Variants in NR1D2 observed in about 807,000 individuals in gnomAD.
The protein encoded by NR1D2 is V-erbA-related protein 1-related.
A neutral mutation model predicts 52.2 loss-of-function variants in NR1D2; 25 were observed. The observed-to-expected ratio is 0.48, with a 90% CI of 0.35 to 0.67. The LOEUF (loss-of-function observed/expected upper bound fraction) is 0.67, where lower values mean the gene tolerates loss of function less well. Among genes scored for constraint, NR1D2 ranks in the 30% least tolerant of loss-of-function variants. The pLI is 0.01. For missense variants in NR1D2, 681 were observed against 707.2 expected (o/e 0.96, Z 0.42); for synonymous variants, 259 against 230.1 (o/e 1.13, Z -1.14).
chr3:23,958,855 A>G (rs1706156667), intron 3 of NR1D2, among the ~76,000 whole-genome samples: 1 of 152,196 alleles, frequency 6.6e-6, no homozygotes, highest in African/African-American at 2.4e-5. Flanking sequence ...AGGCTGAGGC[A>G]GGAGAATCCC....
intron 7 of NR1D2, among the ~76,000 whole-genome samples, chr3:23,970,547 A>G (rs1706559435): frequency 1.3e-5 from 2 of 152,208 alleles, no homozygotes; most frequent in Non-Finnish European, 2.9e-5. Context: ...TTACCTATCC[A>G]TCTATCCATT....
intron 7 of NR1D2, among the ~76,000 whole-genome samples, chr3:23,974,268 T>C (rs1706667166): frequency 6.6e-6 from 1 of 152,058 alleles, no homozygotes; most frequent in South Asian, 2.1e-4. Context: ...TAGTAAATAC[T>C]TAAATCAGTA....
chr3:23,958,027 T>C (rs571506510), intron 3 of NR1D2, among the ~76,000 whole-genome samples: 1 of 152,384 alleles, frequency 6.6e-6, no homozygotes, highest in Non-Finnish European at 1.5e-5. Flanking sequence ...TTGAGTTTTC[T>C]GTCCTCCCTG....
intron 1 of NR1D2, 71 bp downstream of exon 1, chr3:23,945,665 G>T (rs989733114): frequency 1.9e-6 from 2 of 1,042,580 alleles, no homozygotes; most frequent in African/African-American, 1.7e-5. Context: ...CACTTTGGGG[G>T]GCGGCGGCAG....
intron 1 of NR1D2, chr3:23,946,059 C>G: frequency 2.1e-6 from 2 of 973,998 alleles, no homozygotes; most frequent in South Asian, 9.5e-5. Context: ...GCTGGGAGCG[C>G]CGCAGCCTCC....
intron 3 of NR1D2, among the ~76,000 whole-genome samples, chr3:23,958,937 A>G (rs1256955311): frequency 6.6e-6 from 1 of 152,198 alleles, no homozygotes; most frequent in Non-Finnish European, 1.5e-5. Context: ...CTACAGAGCA[A>G]GAGTCTGTCT....
chr3:23,956,267 T>C, intron 3 of NR1D2, 142 bp downstream of exon 3: 1 of 593,578 alleles, frequency 1.7e-6, no homozygotes, highest in South Asian at 2.4e-5. Flanking sequence ...TTTTATGTAG[T>C]GTATAAGCAT....
rs769593623 is a variant in NR1D2, at chr3:23,954,657, G to T, written c.137G>T (p.Ser46Ile). The T allele has an allele frequency of 6.2e-7, 1 of 1,614,056 alleles. No individual in the cohort carries two copies. The highest frequency in any genetic ancestry group is 8.5e-7 in the Non-Finnish European group (1 of 1,180,000). ...SSSSVPSSPN[S>I]SNSDTNGNPK... Reference sequence around the variant, plus strand: ...TCTTCTGTTCCATCTTCTCCAAATAGCTCTAATTCTGATACCAATGGTAAT... The same window carrying T: ...TCTTCTGTTCCATCTTCTCCAAATATCTCTAATTCTGATACCAATGGTAAT... Residue 46 changes from serine (S) to isoleucine (I), a missense_variant, in exon 2 of 8, where the codon AGC (serine) becomes ATC (isoleucine). Coordinates refer to ENST00000312521, the MANE Select transcript of NR1D2 (RefSeq NM_005126.5).
rs1706748713 is a variant in NR1D2, at chr3:23,977,089, CT to C, written c.1544-130del. ...ACTGAGATTTTGAGAAATTTGTCAACTTTTGCCTTTATTCAGATGTATAAAA... is the reference window on the plus strand; with the variant it reads ...ACTGAGATTTTGAGAAATTTGTCAACTTTGCCTTTATTCAGATGTATAAAA... On this transcript the variant is annotated intron_variant, in intron 7 of 7. Coordinates refer to ENST00000312521, the MANE Select transcript of NR1D2 (RefSeq NM_005126.5). The C allele has an allele frequency of 1.1e-5, 5 of 451,200 alleles. No individual in the cohort carries two copies. In the East Asian group the frequency reaches 1.4e-4, roughly 13 times the overall value. 27.9% of individuals were successfully genotyped at this position (451,200 alleles called of 1,614,324 possible).
intron 6 of NR1D2, among the ~76,000 whole-genome samples, chr3:23,967,507 T>C (rs1706476900): frequency 6.6e-6 from 1 of 151,914 alleles, no homozygotes; most frequent in Non-Finnish European, 1.5e-5. Context: ...TCCCAGCTAC[T>C]TGGGAGGCCG....
At chr3:23,946,846 C>T (rs1423277457) in intron 1 of NR1D2, among the ~76,000 whole-genome samples, 1 of 152,146 alleles carries the variant, frequency 6.6e-6, no homozygotes, top group East Asian at 1.9e-4. Flanking sequence ...TTGTCTGCCC[C>T]AAATGATGAG....
chr3:23,975,167 C>G (rs949426812), intron 7 of NR1D2, among the ~76,000 whole-genome samples: 11 of 152,088 alleles, frequency 7.2e-5, no homozygotes, highest in Admixed American at 5.9e-4. Context: ...GTCACCCAGA[C>G]TGGAGTGCAG....
chr3:23,965,987 G>A (rs1050093386), intron 6 of NR1D2, among the ~76,000 whole-genome samples: 6 of 152,154 alleles, frequency 3.9e-5, no homozygotes, highest in African/African-American at 7.2e-5. Flanking sequence ...TTTCTGTCCC[G>A]CTTCTCTTGC....
In NR1D2 at chr3:23,977,445, T is replaced by C; in HGVS notation, c.*26T>C. ...GGCCTTTGTTTATTTAAACATGAACTGATGGTAACTGTACATTTTGTGCTA... is the reference window on the plus strand; with the variant it reads ...GGCCTTTGTTTATTTAAACATGAACCGATGGTAACTGTACATTTTGTGCTA... On this transcript the variant is annotated 3_prime_UTR_variant, in exon 8 of 8. Transcript: ENST00000312521. The C allele has an allele frequency of 6.9e-7, 1 of 1,449,624 alleles. No individual in the cohort carries two copies. The highest frequency in any genetic ancestry group is 9.4e-7 in the Non-Finnish European group (1 of 1,066,120). The allele number at this position is 1,449,624 out of a possible 1,614,324, so 89.8% of individuals were successfully genotyped here. A position where few individuals can be genotyped will look rare whatever the true frequency, so the allele number is the denominator to read the frequency against.
In NR1D2 at chr3:23,974,542, AC is replaced by A. The variant is rs1287643582; in HGVS notation, c.1544-2679del. 2.6e-5 allele frequency among the ~76,000 whole-genome samples: 4 copies of A among 152,098 alleles called. No homozygotes were observed. The East Asian group carries it at 5.8e-4, about 22-fold the overall frequency. Reference sequence around the variant, plus strand: ...CCTTAAAGGCATTCTTGTTTTGTTCACCGCTGATTTCCAAGCACCTTAGAAC... The same window carrying A: ...CCTTAAAGGCATTCTTGTTTTGTTCACGCTGATTTCCAAGCACCTTAGAAC... On this transcript the variant is annotated intron_variant, in intron 7 of 7. Coordinates refer to ENST00000312521, the MANE Select transcript of NR1D2 (RefSeq NM_005126.5).
At chr3:23,950,883 T>A (rs189350313) in intron 1 of NR1D2, among the ~76,000 whole-genome samples, 188 of 149,168 alleles carry the variant, frequency 1.3e-3, no homozygotes, top group Middle Eastern at 3.4e-3. Context: ...CTAATTTCTT[T>A]TCTTTTCTCT....
At chr3:23,955,991 T>A (rs763906670) in intron 2 of NR1D2, 46 bp from the exon 3 acceptor site, 1 of 1,333,164 alleles carries the variant, frequency 7.5e-7, no homozygotes, top group South Asian at 1.2e-5. Flanking sequence ...GAAAACAGAC[T>A]CGGTGTTTCC....
Position 23,962,469 on chromosome 3 carries a change from G to A in NR1D2, c.1010G>A (p.Cys337Tyr). 1.2e-6 allele frequency: 2 copies of A among 1,614,204 alleles called. No homozygotes were observed. Among genetic ancestry groups the A allele is most frequent in the South Asian group, 1.1e-5 (1 of 91,076 alleles). ...CATTACCCAAATGGTCATGCCATTT[G>A]TATTGCAAATGGACATTGTATGAAC... ...IMHYPNGHAI[C>Y]IANGHCMNFS... Residue 337 changes from cysteine to tyrosine, a missense_variant, in exon 5 of 8, where the codon TGT (cysteine) becomes TAT (tyrosine). Coordinates refer to ENST00000312521, the MANE Select transcript of NR1D2 (RefSeq NM_005126.5).
rs528999975 is a variant in NR1D2 at position 23,967,517 on chromosome 3, G to T, written c.1333-296G>T. ...TGTAATCCCAGCTACTTGGGAGGCC[G>T]AGGCAGGAGAAATGCTTGAACCCGG... On this transcript the variant is annotated intron_variant, in intron 6 of 7. Coordinates refer to ENST00000312521, the MANE Select transcript of NR1D2 (RefSeq NM_005126.5). Among the ~76,000 whole-genome samples, 4 of 152,098 alleles carry T rather than the reference G, an allele frequency of 2.6e-5. No individual in the cohort carries two copies. The East Asian group carries it at 7.7e-4, about 29-fold the overall frequency.
Sources: allele counts gnomAD v4.1 joint callset (sites outside exome capture counted in the v4.1 genomes callset), GRCh38; gene constraint gnomAD v4.1.1; transcripts MANE v1.5; gene names NCBI Gene and HGNC (gene_info 2026-07-23, HGNC 2026-07-21).